The following GPC4 variants were observed in gnomAD, a reference collection of about 807,000 sequenced individuals.
GPC4 encodes glypican-4.
A neutral mutation model predicts 35.0 loss-of-function variants in GPC4; 10 were observed. The observed-to-expected ratio is 0.29, with a 90% CI of 0.18 to 0.48. The LOEUF (loss-of-function observed/expected upper bound fraction) is 0.48, where lower values mean the gene tolerates loss of function less well. GPC4 is among the 20% of genes least tolerant of loss of function. The pLI is 0.99. For synonymous variants in GPC4, 167 were observed against 170.2 expected, an observed-to-expected ratio of 0.98 and a Z score of 0.15; for missense variants, 322 against 451.3, an observed-to-expected ratio of 0.71 and a Z score of 2.60.
rs935977856 is a variant in GPC4 at position 133,354,709 on chromosome X, C to G, written c.161-15368G>C. On this transcript the variant is annotated intron_variant, in intron 1 of 8. Coordinates refer to ENST00000370828, the MANE Select transcript of GPC4 (RefSeq NM_001448.3). ...TCAGCCTCCCGAGTAGCTGGGACTA[C>G]AGGCGCCCGCCACCGCGCCCGGCTA... Among the ~76,000 whole-genome samples the G allele has an allele frequency of 3.9e-4, 42 of 107,148 alleles. No homozygotes were observed. In the Admixed American group the frequency reaches 3.9e-3, roughly 10 times the overall value. The allele number at this position is 107,148 out of a possible 115,157, so 93.0% of individuals were successfully genotyped here.
chrX:133,304,137 C>CAAA (rs68145337), intron 7 of GPC4, among the ~76,000 whole-genome samples: 17 of 96,519 alleles, frequency 1.8e-4, no homozygotes, highest in Admixed American at 1.1e-3. Flanking sequence ...ACTAAAAATA[C>CAAA]AAAAAAAAAA....
intron 1 of GPC4, among the ~76,000 whole-genome samples, chrX:133,376,188 T>C (rs974084997): frequency 3.6e-5 from 4 of 112,367 alleles, no homozygotes; most frequent in Middle Eastern, 4.6e-3. Context: ...GAAGAGCCCG[T>C]GTGCTCAGGC....
intron 1 of GPC4, among the ~76,000 whole-genome samples, chrX:133,411,395 T>C (rs957783739): frequency 8.9e-6 from 1 of 112,255 alleles, no homozygotes; most frequent in African/African-American, 3.2e-5. Flanking sequence ...CCCTTTACCT[T>C]TGTCTTTATG....
chrX:133,303,260 G>C lies in GPC4; in HGVS notation c.1374C>G (p.Asp458Glu), dbSNP rs775479343. 4.1e-6 allele frequency: 5 copies of C among 1,211,021 alleles called. No homozygotes were observed. The South Asian group carries it at 8.8e-5, about 21-fold the overall frequency. The change falls in exon 8 of 9, where the codon GAC becomes GAG. Residue 458 changes from aspartate (D) to glutamate (E), a missense_variant. Around this residue, in one of 3 missense-constraint regions of GPC4, gnomAD observed 99 missense variants for 110.0 expected, o/e 0.90. Coordinates refer to ENST00000370828, the MANE Select transcript of GPC4 (RefSeq NM_001448.3). The part of the protein sequence containing the change: ...PEVQVDTSKP[D>E]ILILRQIMAL... ...CCATGATTTGACGAAGGATCAGTATGTCTGGTTTGCTGGTGTCAACCTGGA... is the reference window on the plus strand; with the variant it reads ...CCATGATTTGACGAAGGATCAGTATCTCTGGTTTGCTGGTGTCAACCTGGA...
chrX:133,312,930 G>A (rs2068322713), intron 3 of GPC4, among the ~76,000 whole-genome samples: 1 of 111,702 alleles, frequency 9.0e-6, no homozygotes, highest in African/African-American at 3.3e-5. Context: ...TCAATGCTTA[G>A]AAAGGATTGG....
At chrX:133,350,277 C>T (rs1047680513) in intron 1 of GPC4, among the ~76,000 whole-genome samples, 2 of 111,373 alleles carry the variant, frequency 1.8e-5, no homozygotes, top group Non-Finnish European at 3.8e-5. Flanking sequence ...AATCCTAGCA[C>T]TTTGGGAGGT....
chrX:133,399,667 T>TA (rs1224457357), intron 1 of GPC4, among the ~76,000 whole-genome samples: 6 of 111,891 alleles, frequency 5.4e-5, no homozygotes, highest in African/African-American at 1.9e-4. Context: ...TTCATTTGCA[T>TA]AACACTTGCT....
At chrX:133,402,799 A>G (rs1183321427) in intron 1 of GPC4, among the ~76,000 whole-genome samples, 1 of 108,568 alleles carries the variant, frequency 9.2e-6, no homozygotes, top group Admixed American at 9.9e-5. Flanking sequence ...GCTGCACAGG[A>G]GGCTGGGGCA....
chrX:133,365,158 AT>A (rs200917368), intron 1 of GPC4, among the ~76,000 whole-genome samples: 12 of 109,895 alleles, frequency 1.1e-4, no homozygotes, highest in African/African-American at 3.0e-4. Flanking sequence ...AAGCTTCTCA[AT>A]TTTTTTTTCT....
intron 1 of GPC4, among the ~76,000 whole-genome samples, chrX:133,380,070 C>T (rs1301719925): frequency 9.0e-6 from 1 of 110,717 alleles, no homozygotes; most frequent in Non-Finnish European, 1.9e-5. Context: ...GGCGTGGTGG[C>T]TCACACCTGT....
chrX:133,404,704 A>C (rs1236179519), intron 1 of GPC4, among the ~76,000 whole-genome samples: 1 of 109,253 alleles, frequency 9.2e-6, no homozygotes, highest in Middle Eastern at 4.2e-3. Context: ...AAAATATACA[A>C]ATTAGCTGGA....
intron 2 of GPC4, among the ~76,000 whole-genome samples, chrX:133,332,931 C>G (rs1254077173): frequency 8.9e-6 from 1 of 112,511 alleles, no homozygotes; most frequent in Non-Finnish European, 1.9e-5. Context: ...AAACTGCTGA[C>G]ACACTGCCAA....
chrX:133,374,930 C>T, intron 1 of GPC4, among the ~76,000 whole-genome samples: 1 of 112,104 alleles, frequency 8.9e-6, no homozygotes, highest in Non-Finnish European at 1.9e-5. Context: ...CCCCAGCAAC[C>T]TTCAGGTTTG....
intron 1 of GPC4, among the ~76,000 whole-genome samples, chrX:133,400,756 C>T (rs781546451): frequency 8.1e-5 from 9 of 111,396 alleles, no homozygotes; most frequent in Non-Finnish European, 1.1e-4. Flanking sequence ...ATTCAACAAA[C>T]ATTTTTGAGT....
chrX:133,385,270 A>G (rs1462067016), intron 1 of GPC4, among the ~76,000 whole-genome samples: 1 of 111,934 alleles, frequency 8.9e-6, no homozygotes, highest in Non-Finnish European at 1.9e-5. Flanking sequence ...TATACTCTTC[A>G]AGGCAATTTT....
chrX:133,391,891 GAC>G (rs1171355221), intron 1 of GPC4, among the ~76,000 whole-genome samples: 1 of 111,564 alleles, frequency 9.0e-6, no homozygotes, highest in Admixed American at 9.6e-5. Flanking sequence ...CTCTACAAAC[GAC>G]AATCTAGGGA....
chrX:133,347,329 G>C (rs1200889760), intron 1 of GPC4, among the ~76,000 whole-genome samples: 2 of 91,846 alleles, frequency 2.2e-5, no homozygotes, highest in Non-Finnish European at 4.1e-5. Context: ...AATACATGTG[G>C]CCAGCGGGGA....
chrX:133,343,713 C>CA (rs757824696), intron 1 of GPC4, among the ~76,000 whole-genome samples: 46 of 110,832 alleles, frequency 4.2e-4, no homozygotes, highest in South Asian at 3.5e-3. Context: ...AAAAACAAAA[C>CA]AAAAAAAATC....
intron 1 of GPC4, among the ~76,000 whole-genome samples, chrX:133,347,010 TA>T (rs2068494140): frequency 9.0e-6 from 1 of 111,090 alleles, no homozygotes; most frequent in Non-Finnish European, 1.9e-5. Flanking sequence ...ACACTTCAAA[TA>T]GGTGAATTAT....
Sources: gnomAD v4.1 joint callset for allele counts (sites outside exome capture counted in the v4.1 genomes callset) on GRCh38, gnomAD v4.1.1 for gene constraint, gnomAD v4.1.1 regional missense constraint, MANE v1.5 for transcripts, NCBI Gene and HGNC (gene_info 2026-07-23, HGNC 2026-07-21) for gene names.